RHOD: variants seen among roughly 807,000 people sequenced by gnomAD.
RHOD encodes ras homolog family member D.
Under a neutral mutation model 16.7 loss-of-function variants are expected in RHOD, and 11 were observed. That is an observed-to-expected ratio of 0.66 (90% CI 0.41 to 1.09). RHOD has a LOEUF of 1.09. Ranked by LOEUF, RHOD falls within the 50% of genes least tolerant of loss-of-function variation. RHOD has a pLI of 0.00. For missense variants in RHOD, 271 were observed against 291.7 expected, an observed-to-expected ratio of 0.93 and a Z score of 0.52; for synonymous variants, 124 against 126.3, an observed-to-expected ratio of 0.98 and a Z score of 0.12.
At position 67,065,921 on chromosome 11, in the gene RHOD, G is replaced by C. The variant is rs376463937; in HGVS notation, c.158G>C (p.Arg53Pro). ...AGCTACACCCCCACGGTGTTTGAGC[G>C]GTACATGGTCAACCTGCAAGTGAAA... ...PESYTPTVFE[R>P]YMVNLQVKGK... Residue 53 changes from arginine (R) to proline (P), a missense_variant, in exon 2 of 5, where the codon CGG (arginine) becomes CCG (proline). Arg to Pro is a moderately radical substitution (Grantham distance 103). Coordinates refer to ENST00000308831, the MANE Select transcript of RHOD (RefSeq NM_014578.4). 1.9e-6 allele frequency: 3 copies of C among 1,612,316 alleles called. No individual in the cohort carries two copies. The highest frequency in any genetic ancestry group is 1.1e-5 in the South Asian group (1 of 91,048).
At chr11:67,058,889 C>G (rs1284263667) in intron 1 of RHOD, among the ~76,000 whole-genome samples, 1 of 152,260 alleles carries the variant, frequency 6.6e-6, no homozygotes, top group East Asian at 1.9e-4. Flanking sequence ...TTCTGGGCCC[C>G]TAGATGCTGC....
intron 2 of RHOD, 59 bp downstream of exon 2, chr11:67,066,042 G>A (rs1854955994): frequency 7.5e-7 from 1 of 1,325,960 alleles, no homozygotes; most frequent in Non-Finnish European, 1.1e-6. Context: ...TGATGCCTGG[G>A]ACAGATTCCG....
rs1855029863 is a variant in RHOD at position 67,071,513 on chromosome 11, G to A, written c.544G>A (p.Val182Ile). 3 of 1,611,860 alleles carry A rather than the reference G, an allele frequency of 1.9e-6. No homozygotes were observed. The highest frequency in any genetic ancestry group is 2.2e-5 in the East Asian group (1 of 44,838). Reference sequence around the variant, plus strand: ...TCGGCTCCATGACAACGTCCACGCCGTCTTCCAGGAGGCCGCCGAGGTGGC... The same window carrying A: ...TCGGCTCCATGACAACGTCCACGCCATCTTCCAGGAGGCCGCCGAGGTGGC... Reference protein sequence around the residue: ...SARLHDNVHAVFQEAAEVALS... With the variant: ...SARLHDNVHAIFQEAAEVALS... Residue 182 changes from valine (V) to isoleucine (I), a missense_variant, in exon 5 of 5, where the codon GTC becomes ATC. Transcript: ENST00000308831.
chr11:67,068,050 C>T (rs918600360), intron 3 of RHOD, among the ~76,000 whole-genome samples: 1 of 152,184 alleles, frequency 6.6e-6, no homozygotes, highest in East Asian at 1.9e-4. Context: ...CCGCCCGCCT[C>T]GGCCTCCCAA....
At chr11:67,066,549 G>A (rs1383208400) in intron 2 of RHOD, among the ~76,000 whole-genome samples, 189 bp from the exon 3 acceptor site, 1 of 152,252 alleles carries the variant, frequency 6.6e-6, no homozygotes, top group African/African-American at 2.4e-5. Flanking sequence ...AGGCAGAGGT[G>A]AGCACTGCCC....
intron 3 of RHOD, among the ~76,000 whole-genome samples, chr11:67,067,959 C>A (rs578234487): frequency 6.6e-6 from 1 of 152,220 alleles, no homozygotes; most frequent in African/African-American, 2.4e-5. Context: ...GCCACCACGC[C>A]CGGCTAATTT....
chr11:67,064,144 C>T (rs1316113981), intron 1 of RHOD, among the ~76,000 whole-genome samples: 6 of 128,218 alleles, frequency 4.7e-5, no homozygotes, highest in South Asian at 2.5e-4. Context: ...CGGTGGCTCA[C>T]GCCTGTAATC....
intron 3 of RHOD, among the ~76,000 whole-genome samples, chr11:67,069,970 C>T (rs1855006122): frequency 6.6e-6 from 1 of 152,190 alleles, no homozygotes; most frequent in East Asian, 1.9e-4. Context: ...GGATTACAGG[C>T]GTGAGCCACC....
At chr11:67,066,193 G>A (rs983861259) in intron 2 of RHOD, among the ~76,000 whole-genome samples, 10 of 152,182 alleles carry the variant, frequency 6.6e-5, no homozygotes, top group Non-Finnish European at 1.3e-4. Context: ...CGCCCGCTAC[G>A]TCCTGGAGGC....
intron 1 of RHOD, among the ~76,000 whole-genome samples, chr11:67,062,688 G>T (rs543271741): frequency 6.6e-6 from 1 of 152,352 alleles, no homozygotes; most frequent in East Asian, 1.9e-4. Context: ...GCTGGCCAGG[G>T]CCTGACTCAG....
At chr11:67,057,072 C>T (rs1273430140) in intron 1 of RHOD, 38 bp downstream of exon 1, 7 of 1,401,880 alleles carry the variant, frequency 5.0e-6, no homozygotes, top group Admixed American at 3.4e-5. Flanking sequence ...CGGTTCCGCT[C>T]GCGCGCCCGG....
At position 67,066,003 on chromosome 11, in the gene RHOD, GCAGGGT is replaced by G; in HGVS notation, c.220+21_220+26del. ...CAGCAGGTGGGTGTGCAGGGGTGGG[GCAGGGT>G]GGGAGGGGCTTCTGTGGGCCCCTGA... is the stretch of plus-strand genomic sequence containing the variant. On this transcript the variant is annotated intron_variant, in intron 2 of 4. Coordinates refer to ENST00000308831, the MANE Select transcript of RHOD (RefSeq NM_014578.4). 3 of 1,304,118 alleles carry G rather than the reference GCAGGGT, an allele frequency of 2.3e-6. No homozygotes were observed. The highest frequency in any genetic ancestry group is 2.2e-6 in the Non-Finnish European group (2 of 901,950). The allele number at this position is 1,304,118 out of a possible 1,614,324, so 80.8% of individuals were successfully genotyped here.
intron 1 of RHOD, among the ~76,000 whole-genome samples, chr11:67,064,908 C>A (rs529192859): frequency 6.6e-6 from 1 of 151,910 alleles, no homozygotes; most frequent in Non-Finnish European, 1.5e-5. Flanking sequence ...CACAGGGAGA[C>A]CCTGTCTGTG....
At chr11:67,059,806 C>T (rs1854864478) in intron 1 of RHOD, among the ~76,000 whole-genome samples, 1 of 152,208 alleles carries the variant, frequency 6.6e-6, no homozygotes, top group South Asian at 2.1e-4. Flanking sequence ...GTCCCTAGCA[C>T]CAGACTCTTC....
rs529526183 is a variant in RHOD at position 67,066,601 on chromosome 11, T to G, written c.221-137T>G. On this transcript the variant is annotated intron_variant, in intron 2 of 4. Transcript: ENST00000308831. ...TGGAGTAGCCACCTCAGAGCCAAAT[T>G]TGTGCCAAACTCTGAGGCAAAAAAC... 7 of 684,222 alleles carry G rather than the reference T, an allele frequency of 1.0e-5. No individual in the cohort carries two copies. The Admixed American group carries it at 1.3e-4, about 13-fold the overall frequency. The allele number at this position is 684,222 out of a possible 1,614,324, so 42.4% of individuals were successfully genotyped here. A position where few individuals can be genotyped will look rare whatever the true frequency, so the allele number is the denominator to read the frequency against.
intron 1 of RHOD, among the ~76,000 whole-genome samples, chr11:67,059,071 T>C (rs1854854873): frequency 3.9e-5 from 6 of 152,082 alleles, no homozygotes; most frequent in Admixed American, 1.3e-4. Flanking sequence ...AGTTATGACG[T>C]GGAAATGGGC....
intron 4 of RHOD, 131 bp from the exon 5 acceptor site, chr11:67,071,304 G>A: frequency 1.4e-6 from 1 of 726,674 alleles, no homozygotes; most frequent in Non-Finnish European, 2.1e-6. Context: ...GGGCGCTTGG[G>A]CAAGCAGGGA....
chr11:67,071,745 C>T lies in RHOD; in HGVS notation c.*143C>T. 1.2e-6 allele frequency: 1 copy of T among 830,826 alleles called. No homozygotes were observed. Among genetic ancestry groups the T allele is most frequent in the Non-Finnish European group, 1.8e-6 (1 of 550,982 alleles). 51.5% of individuals were successfully genotyped at this position (830,826 alleles called of 1,614,324 possible). On this transcript the variant is annotated 3_prime_UTR_variant, in exon 5 of 5. Coordinates refer to ENST00000308831, the MANE Select transcript of RHOD (RefSeq NM_014578.4). ...CGCCACCAAAGCCAGGCCCTGAGGC[C>T]TGGGAGTCCTGGACTGAGAAAGGGG...
rs2282502 is a variant in RHOD, at chr11:67,066,781, C to T, written c.264C>T (p.Asp88=). Residue 88 remains aspartate (D), a synonymous_variant, in exon 3 of 5, where the codon GAC becomes GAT. Transcript: ENST00000308831. ...GCCTGCGGCCCCTGTTCTACCCTGA[C>T]GCCAGCGTCCTGCTGCTTTGCTTCG... The part of the protein sequence containing the change: ...YDRLRPLFYP[D]ASVLLLCFDV... 593,133 of 1,611,384 alleles carry T rather than the reference C, an allele frequency of 0.37. 114,190 individuals carry two copies. Among genetic ancestry groups the T allele is most frequent in the Admixed American group, 0.56 (33,585 of 60,012 alleles).
Sources: allele counts gnomAD v4.1 joint callset (sites outside exome capture counted in the v4.1 genomes callset), GRCh38; gene constraint gnomAD v4.1.1; transcripts MANE v1.5; gene names NCBI Gene and HGNC (gene_info 2026-07-23, HGNC 2026-07-21).